The following EYS variants were observed in gnomAD, a reference collection of about 807,000 sequenced individuals.
The protein encoded by EYS is protein eyes shut homolog.
A neutral mutation model predicts 282.1 loss-of-function variants in EYS; 250 were observed. That is an observed-to-expected ratio of 0.89 (90% CI 0.80 to 0.98). EYS has a LOEUF of 0.98. Ranked by LOEUF, EYS falls within the 50% of genes least tolerant of loss-of-function variation. The pLI is 0.00. For synonymous variants in EYS, 1,355 were observed against 1,282.9 expected (o/e 1.06, Z -1.20); for missense variants, 4,016 against 3,709.0 (o/e 1.08, Z -2.15).
chr6:65,229,296 G>A (rs2788908), intron 12 of EYS, among the ~76,000 whole-genome samples: 100,726 of 151,350 alleles, frequency 0.67, 34,782 homozygotes, highest in East Asian at 0.89. Context: ...AAAAAAGGAA[G>A]CAGGTTTTAG....
chr6:64,743,326 C>A (rs1583104516), intron 22 of EYS, among the ~76,000 whole-genome samples: 1 of 151,984 alleles, frequency 6.6e-6, no homozygotes, highest in Non-Finnish European at 1.5e-5. Context: ...AGGCACCAGG[C>A]CCAATCTAAA....
intron 26 of EYS, among the ~76,000 whole-genome samples, chr6:64,560,400 AATAATT>A (rs1217823898): frequency 6.6e-6 from 1 of 152,058 alleles, no homozygotes; most frequent in Non-Finnish European, 1.5e-5. Context: ...TAATTTTCAC[AATAATT>A]ATAAGTTAGG....
In EYS at chr6:63,996,093, T is replaced by C. The variant is rs567940765; in HGVS notation, c.6834+2982A>G. Among the ~76,000 whole-genome samples, 3 of 152,068 alleles carry C rather than the reference T, an allele frequency of 2.0e-5. No individual in the cohort carries two copies. In the East Asian group the frequency reaches 5.8e-4, roughly 29 times the overall value. On this transcript the variant is annotated intron_variant, in intron 34 of 42. Coordinates refer to ENST00000503581, the MANE Select transcript of EYS (RefSeq NM_001142800.2). Reference sequence around the variant, plus strand: ...ACTATTATTACCTGTCAATTAAATATATAATAAAAAAGGAAAACGATATAT... The same window carrying C: ...ACTATTATTACCTGTCAATTAAATACATAATAAAAAAGGAAAACGATATAT...
At chr6:65,673,440 C>T (rs190523317) in intron 1 of EYS, among the ~76,000 whole-genome samples, 2 of 152,082 alleles carry the variant, frequency 1.3e-5, no homozygotes, top group Non-Finnish European at 2.9e-5. Flanking sequence ...ACAGAAGATA[C>T]AAGGTCTGAA....
chr6:65,106,841 T>C (rs920457866), intron 12 of EYS, among the ~76,000 whole-genome samples: 2 of 152,116 alleles, frequency 1.3e-5, no homozygotes, highest in Non-Finnish European at 2.9e-5. Flanking sequence ...AATATATATG[T>C]TGCTATGAAC....
chr6:64,284,343 C>G (rs1327023303), intron 30 of EYS, among the ~76,000 whole-genome samples: 1 of 152,188 alleles, frequency 6.6e-6, no homozygotes, highest in Non-Finnish European at 1.5e-5. Context: ...CAAATGATCT[C>G]TTTGACTCCA....
intron 13 of EYS, among the ~76,000 whole-genome samples, chr6:65,000,404 T>C (rs1297468504): frequency 2.0e-5 from 3 of 152,222 alleles, no homozygotes; most frequent in Non-Finnish European, 4.4e-5. Flanking sequence ...CCAGACATCA[T>C]ATATACTGGT....
At chr6:64,948,119 A>T (rs1266335388) in intron 14 of EYS, among the ~76,000 whole-genome samples, 3 of 151,846 alleles carry the variant, frequency 2.0e-5, no homozygotes, top group African/African-American at 7.2e-5. Flanking sequence ...CAGGTACTAT[A>T]GCAGTGAATT....
chr6:64,338,409 A>T (rs1770946029), intron 29 of EYS, among the ~76,000 whole-genome samples: 1 of 151,932 alleles, frequency 6.6e-6, no homozygotes, highest in Non-Finnish European at 1.5e-5. Context: ...AAAACTTAGG[A>T]ATATACCTAA....
chr6:65,419,221 TC>T (rs1767360535), intron 5 of EYS, among the ~76,000 whole-genome samples: 1 of 151,806 alleles, frequency 6.6e-6, no homozygotes, highest in Admixed American at 6.6e-5. Context: ...AATAAAGCAA[TC>T]AGTCCTTTAG....
chr6:65,210,908 T>C (rs1048261117), intron 12 of EYS, among the ~76,000 whole-genome samples: 2 of 149,646 alleles, frequency 1.3e-5, no homozygotes, highest in African/African-American at 5.0e-5. Flanking sequence ...CCTGATGTTT[T>C]AATTTACCTA....
chr6:64,518,264 C>T (rs1562037743), intron 26 of EYS, among the ~76,000 whole-genome samples: 1 of 151,722 alleles, frequency 6.6e-6, no homozygotes, highest in Non-Finnish European at 1.5e-5. Context: ...AAAAACAAAA[C>T]ATAACACCTT....
chr6:65,275,859 G>T (rs1768031484), intron 12 of EYS, among the ~76,000 whole-genome samples: 1 of 152,112 alleles, frequency 6.6e-6, no homozygotes, highest in Admixed American at 6.6e-5. Context: ...TAATAAAATA[G>T]AAAATTACTC....
intron 12 of EYS, among the ~76,000 whole-genome samples, chr6:65,187,877 G>C (rs1765550571): frequency 1.3e-5 from 2 of 151,496 alleles, no homozygotes; most frequent in Admixed American, 6.6e-5. Context: ...TTTTGCCTTT[G>C]AGATTCACTT....
chr6:64,612,344 T>C (rs1172288027), intron 24 of EYS, among the ~76,000 whole-genome samples: 1 of 152,132 alleles, frequency 6.6e-6, no homozygotes, highest in African/African-American at 2.4e-5. Context: ...GGTTAATGCA[T>C]GGAGATCAAT....
chr6:64,084,245 T>C (rs1490607769), intron 31 of EYS, among the ~76,000 whole-genome samples: 1 of 152,214 alleles, frequency 6.6e-6, no homozygotes, highest in Non-Finnish European at 1.5e-5. Context: ...CCTTCTTTCT[T>C]GTCACTTCTA....
At chr6:64,284,091 G>T (rs1388013387) in intron 30 of EYS, among the ~76,000 whole-genome samples, 1 of 152,078 alleles carries the variant, frequency 6.6e-6, no homozygotes, top group Admixed American at 6.6e-5. Context: ...CCCCCAAAGT[G>T]TTAACTCATT....
At chr6:63,768,289 A>G (rs1403697172) in intron 40 of EYS, among the ~76,000 whole-genome samples, 3 of 152,016 alleles carry the variant, frequency 2.0e-5, no homozygotes, top group Admixed American at 2.0e-4. Context: ...TAAACAGACA[A>G]CCTACAAAAT....
At chr6:65,663,689 A>T (rs1361105573) in intron 1 of EYS, among the ~76,000 whole-genome samples, 4 of 151,690 alleles carry the variant, frequency 2.6e-5, no homozygotes, top group African/African-American at 9.7e-5. Context: ...TTATTTATTT[A>T]TTTATTTTTT....
Sources: gnomAD v4.1 joint callset for allele counts (sites outside exome capture counted in the v4.1 genomes callset) on GRCh38, gnomAD v4.1.1 for gene constraint, MANE v1.5 for transcripts, NCBI Gene and HGNC (gene_info 2026-07-23, HGNC 2026-07-21) for gene names.